Variants in ABRAXAS1 observed in about 807,000 individuals in gnomAD.
ABRAXAS1 encodes the protein abraxas 1, BRCA1 A complex subunit, also known as BRCA1-A complex subunit Abraxas 1.
In ABRAXAS1, 26 loss-of-function variants were observed where a neutral mutation model predicts 38.4. The ratio of observed to expected loss-of-function variants is 0.68; its 90% confidence interval spans 0.50 to 0.94. The LOEUF (loss-of-function observed/expected upper bound fraction) is 0.94. Among genes scored for constraint, ABRAXAS1 ranks in the 40% least tolerant of loss-of-function variants. The pLI, the probability that ABRAXAS1 is intolerant of heterozygous loss-of-function variation, is 0.00. For synonymous variants in ABRAXAS1, 144 were observed against 165.5 expected, an observed-to-expected ratio of 0.87 and a Z score of 1.00; for missense variants, 438 against 481.9, an observed-to-expected ratio of 0.91 and a Z score of 0.85.
chr4:83,471,188 CA>C (rs1722570740), intron 4 of ABRAXAS1, among the ~76,000 whole-genome samples: 1 of 101,652 alleles, frequency 9.8e-6, no homozygotes, highest in Non-Finnish European at 2.1e-5. Context: ...TTGAAAGAAA[CA>C]TCTTTTTTTT....
At chr4:83,466,797 A>G (rs986404782) in intron 7 of ABRAXAS1, 1 of 152,392 alleles carries the variant, frequency 6.6e-6, no homozygotes, top group Non-Finnish European at 1.5e-5. Context: ...TCGGCCTCCC[A>G]AAGTGCTGGG....
rs546620300 is a variant in ABRAXAS1 at position 83,461,862 on chromosome 4, A to G, written c.*607T>C. On this transcript the variant is annotated 3_prime_UTR_variant, in exon 9 of 9. Coordinates refer to ENST00000321945, the MANE Select transcript of ABRAXAS1 (RefSeq NM_139076.3). ...TGTAATAATTAAGGCTGCCAGATTTAGCAAGTACAAATGTAGGACAAATTT... is the reference window on the plus strand; with the variant it reads ...TGTAATAATTAAGGCTGCCAGATTTGGCAAGTACAAATGTAGGACAAATTT... 1 of 228,486 alleles carries G rather than the reference A, an allele frequency of 4.4e-6. No homozygotes were observed. Among genetic ancestry groups the G allele is most frequent in the African/African-American group, 2.2e-5 (1 of 45,260 alleles). 14.2% of individuals were successfully genotyped at this position (228,486 alleles called of 1,614,324 possible). A position where few individuals can be genotyped will look rare whatever the true frequency, so the allele number is the denominator to read the frequency against.
chr4:83,480,625 G>C (rs1479524320), intron 2 of ABRAXAS1, among the ~76,000 whole-genome samples: 2 of 152,190 alleles, frequency 1.3e-5, no homozygotes, highest in African/African-American at 4.8e-5. Context: ...TGCTAATGCA[G>C]ATCAAAAACC....
At chr4:83,467,334 T>C (rs1646737479) in intron 7 of ABRAXAS1, 120 bp downstream of exon 7, 3 of 648,512 alleles carry the variant, frequency 4.6e-6, no homozygotes, top group East Asian at 2.8e-5. Flanking sequence ...TAGCCTTCAT[T>C]AAGCAACTCA....
At position 83,470,334 on chromosome 4, in the gene ABRAXAS1, C is replaced by G. The variant is rs762389463; in HGVS notation, c.345G>C (p.Arg115Ser). 1.2e-6 allele frequency: 2 copies of G among 1,613,852 alleles called. No homozygotes were observed. Reference protein sequence around the residue: ...HSDQIMTFRERLLHKNLQEHF... With the variant: ...HSDQIMTFRESLLHKNLQEHF... ...GCTCCTGCAAGTTTTTGTGAAGCAG[C>G]CTCTCTCTAAACGTCATGATCTGAT... The change falls in exon 5 of 9, where the codon AGG (arginine) becomes AGC (serine). Residue 115 changes from arginine (R) to serine (S), a missense_variant. Transcript: ENST00000321945.
chr4:83,482,312 T>A (rs1723025871), intron 1 of ABRAXAS1, 68 bp from the exon 2 acceptor site: 1 of 968,368 alleles, frequency 1.0e-6, no homozygotes, highest in Non-Finnish European at 1.6e-6. Context: ...CTAACCGTAT[T>A]TCCTGAGTAT....
chr4:83,484,861 G>T (rs1723125406), intron 1 of ABRAXAS1, 125 bp downstream of exon 1: 6 of 741,500 alleles, frequency 8.1e-6, no homozygotes, highest in South Asian at 2.1e-5. Flanking sequence ...GCAGAGCCGC[G>T]ACCGCAGGGA....
rs781307588 is a variant in ABRAXAS1, at chr4:83,462,803, A to G, written c.896T>C (p.Met299Thr). 1 of 1,613,474 alleles carries G rather than the reference A, an allele frequency of 6.2e-7. No individual in the cohort carries two copies. The highest frequency in any genetic ancestry group is 1.1e-5 in the South Asian group (1 of 90,810). The change falls in exon 9 of 9, where the codon ATG becomes ACG. Residue 299 changes from methionine (M) to threonine (T), a missense_variant. Around this residue, in one of 3 missense-constraint regions of ABRAXAS1, gnomAD observed 184 missense variants for 181.9 expected, o/e 1.01. Coordinates refer to ENST00000321945, the MANE Select transcript of ABRAXAS1 (RefSeq NM_139076.3). ...AGAAACATGTCTATTTTTTAAAGAC[A>G]TAACACATGAATGAAGAAATTCAGA... ...PNSEFLHSCV[M>T]SLKNRHVSKS...
chr4:83,469,236 A>G, intron 5 of ABRAXAS1, 85 bp from the exon 6 acceptor site: 2 of 1,227,264 alleles, frequency 1.6e-6, no homozygotes, highest in Non-Finnish European at 2.3e-6. Flanking sequence ...CTTGTCCCCT[A>G]CAAGATTTAA....
At chr4:83,464,375 T>C (rs1248283483) in intron 7 of ABRAXAS1, among the ~76,000 whole-genome samples, 1 of 152,248 alleles carries the variant, frequency 6.6e-6, no homozygotes, top group African/African-American at 2.4e-5. Flanking sequence ...TCTGTGTGTC[T>C]TTAGTTTTAA....
intron 2 of ABRAXAS1, among the ~76,000 whole-genome samples, chr4:83,480,815 A>G (rs1722975345): frequency 6.6e-6 from 1 of 152,214 alleles, no homozygotes; most frequent in South Asian, 2.1e-4. Flanking sequence ...GCCACAGGGT[A>G]GAACACAATG....
At position 83,459,713 on chromosome 4, in the gene ABRAXAS1, T is replaced by C. The variant is rs775174355; in HGVS notation, c.*2756A>G. The C allele has an allele frequency of 7.5e-6, 12 of 1,591,078 alleles. No individual in the cohort carries two copies. Among genetic ancestry groups the C allele is most frequent in the African/African-American group, 1.3e-5 (1 of 74,214 alleles). ...GAAATAAATAACAGATACTTTTTTT[T>C]CCCCTCCACATAAAACTCCAAAACA... is the stretch of plus-strand genomic sequence containing the variant. On this transcript the variant is annotated 3_prime_UTR_variant, in exon 9 of 9. Transcript: ENST00000321945.
chr4:83,470,126 G>T, intron 5 of ABRAXAS1, 77 bp downstream of exon 5: 1 of 1,131,334 alleles, frequency 8.8e-7, no homozygotes, highest in Non-Finnish European at 1.2e-6. Flanking sequence ...AGAACACTTT[G>T]TAAGCTGCAA....
At chr4:83,475,615 TG>T (rs929479028) in intron 3 of ABRAXAS1, among the ~76,000 whole-genome samples, 27 of 152,306 alleles carry the variant, frequency 1.8e-4, no homozygotes, top group African/African-American at 5.5e-4. Flanking sequence ...GGCTAATTTT[TG>T]TATTTTTAGT....
Position 83,462,778 on chromosome 4 carries a change from AG to A in ABRAXAS1, c.920del (p.Ser307LeufsTer13). On this transcript the variant is annotated frameshift_variant, in exon 9 of 9. Transcript: ENST00000321945. LOFTEE classifies it low-confidence loss of function (END_TRUNC). ...GGTGGTTGTAGTTACAGCTACTTTTAGAAACATGTCTATTTTTTAAAGACAT... is the reference window on the plus strand; with the variant it reads ...GGTGGTTGTAGTTACAGCTACTTTTAAAACATGTCTATTTTTTAAAGACAT... ...CVMSLKNRHV[S>X]KSSCNYNHHL... 6.2e-7 allele frequency: 1 copy of A among 1,614,052 alleles called. No homozygotes were observed. The highest frequency in any genetic ancestry group is 8.5e-7 in the Non-Finnish European group (1 of 1,179,966).
rs917524193 is a variant in ABRAXAS1, at chr4:83,460,698, G to C, written c.*1771C>G. 1.1e-5 allele frequency: 4 copies of C among 351,648 alleles called. No homozygotes were observed. The highest frequency in any genetic ancestry group is 8.9e-4 in the Middle Eastern group (1 of 1,124). The allele number at this position is 351,648 out of a possible 1,614,324, so 21.8% of individuals were successfully genotyped here. A position where few individuals can be genotyped will look rare whatever the true frequency, so the allele number is the denominator to read the frequency against. ...GTGGGCAGATCACCTGAGGCCAGGA[G>C]TTCAGGACCAGCCTGGCCAATATGG... On this transcript the variant is annotated 3_prime_UTR_variant, in exon 9 of 9. Coordinates refer to ENST00000321945, the MANE Select transcript of ABRAXAS1 (RefSeq NM_139076.3).
intron 7 of ABRAXAS1, chr4:83,467,146 A>G (rs539792150): frequency 7.0e-5 from 18 of 255,362 alleles, no homozygotes; most frequent in Non-Finnish European, 1.3e-4. Context: ...AAGCTGATAT[A>G]TAGCACTTGA....
In ABRAXAS1 at chr4:83,459,609, T is replaced by C; in HGVS notation, c.*2860A>G. 1.3e-6 allele frequency: 1 copy of C among 740,750 alleles called. No individual in the cohort carries two copies. Among genetic ancestry groups the C allele is most frequent in the South Asian group, 2.0e-5 (1 of 50,880 alleles). 45.9% of individuals were successfully genotyped at this position (740,750 alleles called of 1,614,324 possible). On this transcript the variant is annotated 3_prime_UTR_variant, in exon 9 of 9. Transcript: ENST00000321945. ...ACAGGAGGATAACAATATTTTTTTC[T>C]TATATTTTATGAAATGTGTCTGAAA...
In ABRAXAS1 at chr4:83,467,333, T is replaced by G. The variant is rs113837842; in HGVS notation, c.681+121A>C. The G allele has an allele frequency of 3.8e-3, 2,458 of 645,860 alleles. 38 individuals carry two copies. In the African/African-American group the frequency reaches 0.042, roughly 11 times the overall value. 40.0% of individuals were successfully genotyped at this position (645,860 alleles called of 1,614,324 possible). A position where few individuals can be genotyped will look rare whatever the true frequency, so the allele number is the denominator to read the frequency against. On this transcript the variant is annotated intron_variant, in intron 7 of 8. Transcript: ENST00000321945. ...TTTCTCAGAAGGTACATAGCCTTCA[T>G]TAAGCAACTCATAACTGTATAAATC...
Sources: gnomAD v4.1 joint callset for allele counts (sites outside exome capture counted in the v4.1 genomes callset) on GRCh38, gnomAD v4.1.1 for gene constraint, gnomAD v4.1.1 regional missense constraint, MANE v1.5 for transcripts, NCBI Gene and HGNC (gene_info 2026-07-23, HGNC 2026-07-21) for gene names.